Variants in ZNF879 observed in about 807,000 individuals in gnomAD.
ZNF879 encodes zinc finger protein 879.
A neutral mutation model predicts 44.3 loss-of-function variants in ZNF879; 32 were observed. The observed-to-expected ratio is 0.72, with a 90% CI of 0.54 to 0.97. The LOEUF (loss-of-function observed/expected upper bound fraction) is 0.97. Ranked by LOEUF, ZNF879 falls within the 50% of genes least tolerant of loss-of-function variation. The pLI, the probability that ZNF879 is intolerant of heterozygous loss-of-function variation, is 0.00. For missense variants in ZNF879, 621 were observed against 669.7 expected, an observed-to-expected ratio of 0.93 and a Z score of 0.80; for synonymous variants, 234 against 233.2, an observed-to-expected ratio of 1.00 and a Z score of -0.03.
chr5:179,027,599 G>T lies in ZNF879; in HGVS notation c.160G>T (p.Gly54Trp). The change falls in exon 3 of 5, where the codon GGG (glycine) becomes TGG (tryptophan). Residue 54 changes from glycine to tryptophan, a missense_variant and splice_region_variant. Physicochemically the swap from Gly to Trp is radical, Grantham distance 184. Coordinates refer to ENST00000444149, the MANE Select transcript of ZNF879 (RefSeq NM_001136116.3). ...GAACTACAGCATCCTGGTCTCACTG[G>T]GTAAGGAACTTTCCTCCTGATGCAG... ...LENYSILVSL[G>W]ILFSKPKVIS... 6.2e-7 allele frequency: 1 copy of T among 1,613,782 alleles called. No individual in the cohort carries two copies. Among genetic ancestry groups the T allele is most frequent in the Non-Finnish European group, 8.5e-7 (1 of 1,179,840 alleles).
chr5:179,031,033 C>T (rs1172280176), intron 4 of ZNF879, among the ~76,000 whole-genome samples: 4 of 152,174 alleles, frequency 2.6e-5, no homozygotes, highest in Admixed American at 2.0e-4. Context: ...CCCAGATACG[C>T]CCACCTCTTT....
chr5:179,031,370 A>C (rs34054398), intron 4 of ZNF879, among the ~76,000 whole-genome samples: 1 of 151,972 alleles, frequency 6.6e-6, no homozygotes, highest in Non-Finnish European at 1.5e-5. Flanking sequence ...ATGGACTGCT[A>C]TATGTCCTGG....
In ZNF879 at chr5:179,029,101, T is replaced by G. The variant is rs1244373198; in HGVS notation, c.256+974T>G. Among the ~76,000 whole-genome samples, 9 of 68,864 alleles carry G rather than the reference T, an allele frequency of 1.3e-4. No homozygotes were observed. In the South Asian group the frequency reaches 3.7e-3, roughly 28 times the overall value. The allele number at this position is 68,864 out of a possible 152,430, so 45.2% of individuals were successfully genotyped here. On this transcript the variant is annotated intron_variant, in intron 4 of 4. Coordinates refer to ENST00000444149, the MANE Select transcript of ZNF879 (RefSeq NM_001136116.3). Reference sequence around the variant, plus strand: ...TTTGGATCTAGAATTCTGGCATCTGTTTTTTTTTTTTTTTTTCCTCTCTGC... The same window carrying G: ...TTTGGATCTAGAATTCTGGCATCTGGTTTTTTTTTTTTTTTTCCTCTCTGC...
intron 2 of ZNF879, 131 bp from the exon 3 acceptor site, chr5:179,027,342 G>A: frequency 7.7e-7 from 1 of 1,300,260 alleles, no homozygotes. Flanking sequence ...TGATAAATGT[G>A]TGCTTGGTAA....
At chr5:179,027,421 T>G (rs1397969228) in intron 2 of ZNF879, 52 bp from the exon 3 acceptor site, 1 of 1,604,692 alleles carries the variant, frequency 6.2e-7, no homozygotes, top group South Asian at 1.1e-5. Flanking sequence ...CTTCTCAGTC[T>G]TCTCGTTGTG....
intron 1 of ZNF879, 117 bp downstream of exon 1, chr5:179,024,021 G>T (rs1226191168): frequency 6.6e-6 from 1 of 152,200 alleles, no homozygotes; most frequent in East Asian, 1.9e-4. Flanking sequence ...CCGAGCCGGG[G>T]CGGCCTCGGC....
chr5:179,032,447 A>G lies in ZNF879; in HGVS notation c.499A>G (p.Lys167Glu), dbSNP rs546285424. ...GVEFGKNLGL[K>E]SSLIRKPRIV... ...TGAATTTGGGAAAAATCTTGGTCTA[A>G]AATCATCGCTTATTAGAAAACCGAG... The change falls in exon 5 of 5, where the codon AAA becomes GAA. Residue 167 changes from lysine to glutamate, a missense_variant. Coordinates refer to ENST00000444149, the MANE Select transcript of ZNF879 (RefSeq NM_001136116.3). 6.4e-7 allele frequency: 1 copy of G among 1,551,694 alleles called. No homozygotes were observed. Among genetic ancestry groups the G allele is most frequent in the Admixed American group, 2.0e-5 (1 of 51,000 alleles).
chr5:179,031,323 G>A (rs1761411908), intron 4 of ZNF879, among the ~76,000 whole-genome samples: 1 of 152,126 alleles, frequency 6.6e-6, no homozygotes, highest in Non-Finnish European at 1.5e-5. Context: ...TTCCTCATCT[G>A]TGACACTCTC....
Position 179,032,193 on chromosome 5 carries a change from T to C in ZNF879, c.257-12T>C. On this transcript the variant is annotated splice_polypyrimidine_tract_variant and intron_variant, in intron 4 of 4. Transcript: ENST00000444149. ...GAGTTCAAGAGAGACTTATATGTTTTGTCTACTTTAGGATGGGAAAGCTTG... is the reference window on the plus strand; with the variant it reads ...GAGTTCAAGAGAGACTTATATGTTTCGTCTACTTTAGGATGGGAAAGCTTG... 1 of 1,482,862 alleles carries C rather than the reference T, an allele frequency of 6.7e-7. No individual in the cohort carries two copies. Among genetic ancestry groups the C allele is most frequent in the Non-Finnish European group, 8.9e-7 (1 of 1,118,582 alleles). 91.9% of individuals were successfully genotyped at this position (1,482,862 alleles called of 1,614,324 possible). A position where few individuals can be genotyped will look rare whatever the true frequency, so the allele number is the denominator to read the frequency against.
In ZNF879 at chr5:179,028,637, C is replaced by T. The variant is rs181755133; in HGVS notation, c.256+510C>T. Among the ~76,000 whole-genome samples, 447 of 152,192 alleles carry T rather than the reference C, an allele frequency of 2.9e-3. 3 individuals are homozygous for T. Among genetic ancestry groups the T allele is most frequent in the Non-Finnish European group, 1.6e-3 (112 of 68,014 alleles). ...AAAGAGGGAAAGAAGGTGTGACAAA[C>T]GGTAACAGTTACGGAATGTGAGTGG... On this transcript the variant is annotated intron_variant, in intron 4 of 4. Coordinates refer to ENST00000444149, the MANE Select transcript of ZNF879 (RefSeq NM_001136116.3).
intron 4 of ZNF879, among the ~76,000 whole-genome samples, chr5:179,029,686 A>G (rs1336966998): frequency 6.6e-6 from 1 of 151,754 alleles, no homozygotes; most frequent in Non-Finnish European, 1.5e-5. Context: ...CTGGAATTTT[A>G]CCAACTATGA....
chr5:179,029,662 CA>C (rs988393231), intron 4 of ZNF879, among the ~76,000 whole-genome samples: 8 of 151,550 alleles, frequency 5.3e-5, no homozygotes, highest in African/African-American at 1.2e-4. Flanking sequence ...AAAATAGGAG[CA>C]AAAAAAAGTC....
chr5:179,033,282 T>C lies in ZNF879; in HGVS notation c.1334T>C (p.Ile445Thr). ...KAFSWISRLN[I>T]HHRIHTGEKP... is the part of the protein sequence containing the mutation. ...TTCTCTTGGATTTCACGGCTTAATA[T>C]ACATCACAGAATTCACACTGGAGAG... Residue 445 changes from isoleucine to threonine, a missense_variant, in exon 5 of 5, where the codon ATA becomes ACA. Ile to Thr is a moderately conservative substitution (Grantham distance 89, BLOSUM62 -1). Coordinates refer to ENST00000444149, the MANE Select transcript of ZNF879 (RefSeq NM_001136116.3). 6.3e-7 allele frequency: 1 copy of C among 1,580,186 alleles called. No individual in the cohort carries two copies. Among genetic ancestry groups the C allele is most frequent in the Non-Finnish European group, 8.6e-7 (1 of 1,163,052 alleles).
At position 179,034,868 on chromosome 5, in the gene ZNF879, C is replaced by T. The variant is rs935906538; in HGVS notation, c.*1228C>T. The T allele has an allele frequency of 9.2e-5, 14 of 152,008 alleles. No individual in the cohort carries two copies. Among genetic ancestry groups the T allele is most frequent in the Non-Finnish European group, 2.1e-4 (14 of 68,006 alleles). 9.4% of individuals were successfully genotyped at this position (152,008 alleles called of 1,614,324 possible). ...GCAAGCACTTAAGGGCTGAAACGAC[C>T]CATTTCATAAAGTGCTAAGTTTTTC... is the stretch of plus-strand genomic sequence containing the variant. On this transcript the variant is annotated 3_prime_UTR_variant, in exon 5 of 5. Coordinates refer to ENST00000444149, the MANE Select transcript of ZNF879 (RefSeq NM_001136116.3).
At position 179,033,065 on chromosome 5, in the gene ZNF879, C is replaced by T. The variant is rs553838683; in HGVS notation, c.1117C>T (p.His373Tyr). 2.0e-5 allele frequency: 32 copies of T among 1,561,852 alleles called. No individual in the cohort carries two copies. The East Asian group carries it at 7.5e-4, about 37-fold the overall frequency. Reference sequence around the variant, plus strand: ...AATTCATACTGGAGAGAAACCCTTTCATTGTAACGAGTGTGGAAAAGTATT... The same window carrying T: ...AATTCATACTGGAGAGAAACCCTTTTATTGTAACGAGTGTGGAAAAGTATT... ...HRIHTGEKPF[H>Y]CNECGKVFSY... Residue 373 changes from histidine (H) to tyrosine (Y), a missense_variant, in exon 5 of 5, where the codon CAT (histidine) becomes TAT (tyrosine). Physicochemically the swap from His to Tyr is moderately conservative, Grantham distance 83 (BLOSUM62 2). Transcript: ENST00000444149.
chr5:179,031,213 A>G (rs4701026), intron 4 of ZNF879, among the ~76,000 whole-genome samples: 93,579 of 152,052 alleles, frequency 0.62, 29,085 homozygotes, highest in East Asian at 0.84. Flanking sequence ...CAAAAACCAC[A>G]TCATTTCATG....
chr5:179,027,947 T>C, intron 3 of ZNF879, 85 bp from the exon 4 acceptor site: 1 of 1,187,028 alleles, frequency 8.4e-7, no homozygotes, highest in Admixed American at 2.0e-5. Flanking sequence ...CCTCCTTCCC[T>C]GTACTGCCCC....
intron 4 of ZNF879, among the ~76,000 whole-genome samples, chr5:179,029,146 T>C (rs1761358233): frequency 6.6e-6 from 1 of 151,350 alleles, no homozygotes; most frequent in South Asian, 2.1e-4. Context: ...ACTGCTCCAC[T>C]GTCTTTGGGC....
In ZNF879 at chr5:179,033,449, C is replaced by T. The variant is rs1187647418; in HGVS notation, c.1501C>T (p.Gln501Ter). Reference protein sequence around the residue: ...KAFNQSSALIQHQRIHTGEKP... With the variant: ...KAFNQSSALI Reference sequence around the variant, plus strand: ...CTTCAACCAAAGCTCAGCTCTAATTCAGCACCAGAGAATTCATACTGGAGA... The same window carrying T: ...CTTCAACCAAAGCTCAGCTCTAATTTAGCACCAGAGAATTCATACTGGAGA... Residue 501 changes from glutamine (Q) to a stop codon, truncating the protein, a stop_gained, in exon 5 of 5, where the codon CAG (glutamine) becomes TAG (stop). Transcript: ENST00000444149. LOFTEE classifies it high-confidence loss of function. 1 of 1,564,910 alleles carries T rather than the reference C, an allele frequency of 6.4e-7. No individual in the cohort carries two copies. The highest frequency in any genetic ancestry group is 1.2e-5 in the South Asian group (1 of 85,136).
Sources: gnomAD v4.1 joint callset for allele counts (sites outside exome capture counted in the v4.1 genomes callset) on GRCh38, gnomAD v4.1.1 for gene constraint, MANE v1.5 for transcripts, NCBI Gene and HGNC (gene_info 2026-07-23, HGNC 2026-07-21) for gene names.